The following TSPOAP1 variants were observed in gnomAD, a reference collection of about 807,000 sequenced individuals.
TSPOAP1 encodes the protein TSPO associated protein 1, also known as peripheral-type benzodiazepine receptor-associated protein 1.
A neutral mutation model predicts 197.0 loss-of-function variants in TSPOAP1; 87 were observed. That is an observed-to-expected ratio of 0.44 (90% confidence interval 0.37 to 0.53). TSPOAP1 has a LOEUF of 0.53. Among genes scored for constraint, TSPOAP1 ranks in the 20% least tolerant of loss-of-function variants. TSPOAP1 has a pLI of 0.00. For missense variants in TSPOAP1, 2,174 were observed against 2,411.3 expected (o/e 0.90, Z 2.06); for synonymous variants, 913 against 998.9 (o/e 0.91, Z 1.62).
At position 58,311,553 on chromosome 17, in the gene TSPOAP1, C is replaced by T; in HGVS notation, c.3081+18G>A. 3.9e-6 allele frequency: 6 copies of T among 1,541,986 alleles called. No individual in the cohort carries two copies. The highest frequency in any genetic ancestry group is 5.3e-6 in the Non-Finnish European group (6 of 1,141,668). On this transcript the variant is annotated intron_variant, in intron 18 of 31. Transcript: ENST00000343736. ...GGGACCCACCCCCACTCCCAGGGTA[C>T]AGTGGGCAGGGCTATACCTTCTGCC...
rs1970952747 is a variant in TSPOAP1, at chr17:58,307,911, C to T, written c.4762G>A (p.Asp1588Asn). The T allele has an allele frequency of 6.2e-7, 1 of 1,613,124 alleles. No individual in the cohort carries two copies. The highest frequency in any genetic ancestry group is 1.3e-5 in the African/African-American group (1 of 74,936). The change falls in exon 23 of 32, where the codon GAC becomes AAC. Residue 1588 changes from aspartate to asparagine, a missense_variant. Physicochemically the swap from Asp to Asn is conservative, Grantham distance 23 (BLOSUM62 1). Around this residue, in one of 5 missense-constraint regions of TSPOAP1, gnomAD observed 1,933 missense variants for 2,139.0 expected, o/e 0.90. Transcript: ENST00000343736. ...TGGGGGCCCCTCCGCCCAGAGCCGT[C>T]CTGCCCTCTGGCCTCTCCGGTCTCT... is the stretch of plus-strand genomic sequence containing the variant. ...ATETGEARGQDGSGRRGPQKR... is the reference protein window; with the variant it reads ...ATETGEARGQNGSGRRGPQKR...
At position 58,323,289 on chromosome 17, in the gene TSPOAP1, A is replaced by G. The variant is rs780096719; in HGVS notation, c.1104+9T>C. ...GGAGCTGGCCTCTGGGTTGCCCTCA[A>G]GAGCTCACCAGCTCCTCACATCGCC... On this transcript the variant is annotated intron_variant, in intron 7 of 31. Coordinates refer to ENST00000343736, the MANE Select transcript of TSPOAP1 (RefSeq NM_004758.4). The G allele has an allele frequency of 1.2e-6, 2 of 1,613,928 alleles. No homozygotes were observed. Among genetic ancestry groups the G allele is most frequent in the East Asian group, 2.2e-5 (1 of 44,872 alleles).
In TSPOAP1 at chr17:58,310,843, C is replaced by T. The variant is rs1193171365; in HGVS notation, c.3452G>A (p.Cys1151Tyr). 1.9e-6 allele frequency: 3 copies of T among 1,558,060 alleles called. No individual in the cohort carries two copies. Among genetic ancestry groups the T allele is most frequent in the South Asian group, 1.2e-5 (1 of 83,276 alleles). The change falls in exon 19 of 32, where the codon TGC (cysteine) becomes TAC (tyrosine). Residue 1151 changes from cysteine (C) to tyrosine (Y), a missense_variant. Cys to Tyr is a radical substitution (Grantham distance 194). Around this residue, in one of 5 missense-constraint regions of TSPOAP1, gnomAD observed 1,933 missense variants for 2,139.0 expected, o/e 0.90. Coordinates refer to ENST00000343736, the MANE Select transcript of TSPOAP1 (RefSeq NM_004758.4). ...KGSHEDPPAPCSQEEAGAAVL... is the reference protein window; with the variant it reads ...KGSHEDPPAPYSQEEAGAAVL... ...TCTCCCCAGACAGGGTACCTGGGAGCAAGGTGCTGGAGGGTCCTCGTGGGA... is the reference window on the plus strand; with the variant it reads ...TCTCCCCAGACAGGGTACCTGGGAGTAAGGTGCTGGAGGGTCCTCGTGGGA...
chr17:58,317,002 C>T lies in TSPOAP1; in HGVS notation c.1873-462G>A, dbSNP rs1053025554. On this transcript the variant is annotated intron_variant, in intron 14 of 31. Transcript: ENST00000343736. ...GCTTGAGCCAGGAGTTTGAGACCAG[C>T]GTGAGAAGCATAACAAAACCCCATC... is the stretch of plus-strand genomic sequence containing the variant. Among the ~76,000 whole-genome samples the T allele has an allele frequency of 2.0e-5, 3 of 152,278 alleles. No individual in the cohort carries two copies. The South Asian group carries it at 6.2e-4, about 32-fold the overall frequency.
chr17:58,323,465 T>TA lies in TSPOAP1; in HGVS notation c.1020+2dup. 6.2e-7 allele frequency: 1 copy of TA among 1,614,200 alleles called. No homozygotes were observed. The highest frequency in any genetic ancestry group is 8.5e-7 in the Non-Finnish European group (1 of 1,180,008). ...TGCCTCCAGCCCTTGACCTAGGACT[T>TA]ACCAGCTGCTGCACCCTCTGCTCTT... is the stretch of plus-strand genomic sequence containing the variant. On this transcript the variant is annotated splice_region_variant and intron_variant, in intron 6 of 31. Transcript: ENST00000343736.
chr17:58,304,457 C>T lies in TSPOAP1; in HGVS notation c.5545-58G>A. 6.7e-7 allele frequency: 1 copy of T among 1,485,022 alleles called. No individual in the cohort carries two copies. The highest frequency in any genetic ancestry group is 1.7e-5 in the Admixed American group (1 of 59,834). The allele number at this position is 1,485,022 out of a possible 1,614,324, so 92.0% of individuals were successfully genotyped here. On this transcript the variant is annotated intron_variant, in intron 30 of 31. Transcript: ENST00000343736. The surrounding 1 kb of genome is among the most constrained non-coding windows in gnomAD (Gnocchi z 4.2). ...TACCGACAGACCCGCACCTTCTCCG[C>T]CCGGCCACCAGGTGGCCCTGCGCAG...
rs1379447378 is a variant in TSPOAP1, at chr17:58,326,769, C to G, written c.355G>C (p.Gly119Arg). 2.5e-6 allele frequency: 4 copies of G among 1,614,038 alleles called. No individual in the cohort carries two copies. Among genetic ancestry groups the G allele is most frequent in the South Asian group, 2.2e-5 (2 of 91,078 alleles). Reference sequence around the variant, plus strand: ...AGCAGCTCCAGATTGGGCCTGTCCCCAAAGCTCATATTCAGCTTGGCCTGG... The same window carrying G: ...AGCAGCTCCAGATTGGGCCTGTCCCGAAAGCTCATATTCAGCTTGGCCTGG... ...FLKAKLNMSF[G>R]DRPNLELLRA... is the part of the protein sequence containing the mutation. The change falls in exon 2 of 32, where the codon GGG (glycine) becomes CGG (arginine). Residue 119 changes from glycine to arginine, a missense_variant. Gly to Arg is a moderately radical substitution (Grantham distance 125). This residue lies in a region of TSPOAP1 where 1,933 missense variants were observed against 2,139.0 expected (regional missense o/e 0.90). Coordinates refer to ENST00000343736, the MANE Select transcript of TSPOAP1 (RefSeq NM_004758.4). This position sits in a 1 kb window ranked among gnomAD's most constrained non-coding sequence, Gnocchi z 4.7.
chr17:58,310,203 G>T, intron 20 of TSPOAP1, 45 bp from the exon 21 acceptor site: 1 of 1,571,732 alleles, frequency 6.4e-7, no homozygotes. Flanking sequence ...ACAGTGAGGG[G>T]GCACAGGGGG....
chr17:58,306,001 C>T, intron 26 of TSPOAP1, 136 bp from the exon 27 acceptor site: 2 of 950,842 alleles, frequency 2.1e-6, no homozygotes, highest in Non-Finnish European at 3.1e-6. Context: ...CTCCCCAACC[C>T]TTTTGTGTGG....
At position 58,306,409 on chromosome 17, in the gene TSPOAP1, A is replaced by G; in HGVS notation, c.5157T>C (p.Asn1719=). 1.3e-6 allele frequency: 2 copies of G among 1,555,212 alleles called. No homozygotes were observed. The highest frequency in any genetic ancestry group is 2.4e-5 in the South Asian group (2 of 84,262). The change falls in exon 26 of 32, where the codon AAT becomes AAC. Residue 1719 remains asparagine (N), a synonymous_variant. Transcript: ENST00000343736. The part of the protein sequence containing the change: ...SPDILLEGSG[N]GPFVYSTAHT... ...GGGCTGTGGAGTACACAAACGGACC[A>G]TTCCCTGATCCAGAAAAGCAGAGAG...
intron 15 of TSPOAP1, 125 bp downstream of exon 15, chr17:58,316,300 T>G: frequency 1.8e-6 from 2 of 1,093,766 alleles, no homozygotes; most frequent in Non-Finnish European, 2.7e-6. Flanking sequence ...ACTAGGTTAT[T>G]AGAATAGGTC....
At position 58,309,441 on chromosome 17, in the gene TSPOAP1, G is replaced by A. The variant is rs1343270135; in HGVS notation, c.3892-61C>T. The A allele has an allele frequency of 1.3e-6, 2 of 1,536,768 alleles. No individual in the cohort carries two copies. The highest frequency in any genetic ancestry group is 1.7e-6 in the Non-Finnish European group (2 of 1,145,702). Reference sequence around the variant, plus strand: ...AGGGAAGAGAGATGCGTGGGGAAGAGGAGAGCGAGCTGCGATCTTTGCCCT... The same window carrying A: ...AGGGAAGAGAGATGCGTGGGGAAGAAGAGAGCGAGCTGCGATCTTTGCCCT... On this transcript the variant is annotated intron_variant, in intron 21 of 31. Coordinates refer to ENST00000343736, the MANE Select transcript of TSPOAP1 (RefSeq NM_004758.4). The surrounding 1 kb of genome is among the most constrained non-coding windows in gnomAD (Gnocchi z 5.0).
chr17:58,303,044 G>A (rs942177002), intron 31 of TSPOAP1: 1 of 152,402 alleles, frequency 6.6e-6, no homozygotes, highest in Non-Finnish European at 1.5e-5. Context: ...CAAGGACCCA[G>A]AGGGACTCAC....
In TSPOAP1 at chr17:58,313,986, A is replaced by G. The variant is rs548873167; in HGVS notation, c.2099-1264T>C. 3.3e-5 allele frequency among the ~76,000 whole-genome samples: 5 copies of G among 152,364 alleles called. No individual in the cohort carries two copies. The East Asian group carries it at 9.6e-4, about 29-fold the overall frequency. On this transcript the variant is annotated intron_variant, in intron 16 of 31. Coordinates refer to ENST00000343736, the MANE Select transcript of TSPOAP1 (RefSeq NM_004758.4). Reference sequence around the variant, plus strand: ...GGGATGTCAAGGAAGCTGGGCACCCAGCATGTAATGTCACGGTCAATTTAA... The same window carrying G: ...GGGATGTCAAGGAAGCTGGGCACCCGGCATGTAATGTCACGGTCAATTTAA...
rs1970795934 is a variant in TSPOAP1 at position 58,304,081 on chromosome 17, T to C, written c.*32+257A>G. 4.2e-6 allele frequency: 2 copies of C among 471,712 alleles called. No individual in the cohort carries two copies. Among genetic ancestry groups the C allele is most frequent in the African/African-American group, 3.9e-5 (2 of 51,474 alleles). The allele number at this position is 471,712 out of a possible 1,614,324, so 29.2% of individuals were successfully genotyped here. A position where few individuals can be genotyped will look rare whatever the true frequency, so the allele number is the denominator to read the frequency against. On this transcript the variant is annotated intron_variant, in intron 31 of 31. Transcript: ENST00000343736. The surrounding 1 kb of genome is among the most constrained non-coding windows in gnomAD (Gnocchi z 4.2). ...TTATAGAATAGGAAGCATCAGCTAA[T>C]ATGGGACATCACACACTAAGATGAC... is the stretch of plus-strand genomic sequence containing the variant.
chr17:58,315,920 G>GATGA, intron 16 of TSPOAP1, 103 bp downstream of exon 16: 2 of 858,808 alleles, frequency 2.3e-6, no homozygotes, highest in South Asian at 3.1e-5. Context: ...TGGATGGATG[G>GATGA]ATGGATGGAT....
rs758234587 is a variant in TSPOAP1, at chr17:58,319,297, G to C, written c.1495-3C>G. On this transcript the variant is annotated splice_region_variant and splice_polypyrimidine_tract_variant and intron_variant, in intron 12 of 31. Coordinates refer to ENST00000343736, the MANE Select transcript of TSPOAP1 (RefSeq NM_004758.4). The stretch of plus-strand genomic sequence containing the variant: ...TCTTCGAGCTCTCGAACCCGGGCCT[G>C]GGCCAAGACCCACCATGAGCCGCCA... 1.3e-6 allele frequency: 2 copies of C among 1,568,364 alleles called. No individual in the cohort carries two copies. The highest frequency in any genetic ancestry group is 1.2e-5 in the South Asian group (1 of 85,582).
chr17:58,322,487 C>T lies in TSPOAP1; in HGVS notation c.1318-75G>A. Reference sequence around the variant, plus strand: ...TAGAGAAGATCTAAGATGAGGAAGCCTCAAACACCATTTGCTCCAGATTCC... The same window carrying T: ...TAGAGAAGATCTAAGATGAGGAAGCTTCAAACACCATTTGCTCCAGATTCC... On this transcript the variant is annotated intron_variant, in intron 9 of 31. Coordinates refer to ENST00000343736, the MANE Select transcript of TSPOAP1 (RefSeq NM_004758.4). This position sits in a 1 kb window ranked among gnomAD's most constrained non-coding sequence, Gnocchi z 5.0. 1 of 1,566,664 alleles carries T rather than the reference C, an allele frequency of 6.4e-7. No homozygotes were observed. The highest frequency in any genetic ancestry group is 8.6e-7 in the Non-Finnish European group (1 of 1,157,320).
Position 58,321,017 on chromosome 17 carries a change from T to C in TSPOAP1, c.1423-436A>G, listed in dbSNP as rs1355254059. Among the ~76,000 whole-genome samples the C allele has an allele frequency of 4.6e-5, 7 of 152,118 alleles. No individual in the cohort carries two copies. The East Asian group carries it at 9.6e-4, about 21-fold the overall frequency. The stretch of plus-strand genomic sequence containing the variant: ...TAGGGCTCCCATCTACTCATACAAC[T>C]AAACACACTGGTGGCTCCAAATATC... On this transcript the variant is annotated intron_variant, in intron 10 of 31. Transcript: ENST00000343736.
Sources: gnomAD v4.1 joint callset for allele counts (sites outside exome capture counted in the v4.1 genomes callset) on GRCh38, gnomAD v4.1.1 for gene constraint, gnomAD v4.1.1 regional missense constraint, Gnocchi (gnomAD v3.1) non-coding constraint, MANE v1.5 for transcripts, NCBI Gene and HGNC (gene_info 2026-07-23, HGNC 2026-07-21) for gene names.